Variants in DPF3 observed in about 807,000 individuals in gnomAD.
DPF3 encodes the protein zinc finger protein DPF3.
A neutral mutation model predicts 56.8 loss-of-function variants in DPF3; 18 were observed. The observed-to-expected ratio is 0.32, with a 90% CI of 0.22 to 0.47. DPF3 has a LOEUF of 0.47. Ranked by LOEUF, DPF3 falls within the 20% of genes least tolerant of loss-of-function variation. DPF3 has a pLI of 1.00. For synonymous variants in DPF3, 188 were observed against 180.2 expected (o/e 1.04, Z -0.35); for missense variants, 403 against 488.8 (o/e 0.82, Z 1.65).
chr14:72,805,389 G>A (rs1011931353), intron 1 of DPF3, among the ~76,000 whole-genome samples: 29 of 151,846 alleles, frequency 1.9e-4, no homozygotes, highest in African/African-American at 7.0e-4. Context: ...AGAATCACTT[G>A]AACCCAGGAA....
chr14:72,745,776 G>A (rs58217597), intron 3 of DPF3, among the ~76,000 whole-genome samples: 1 of 152,128 alleles, frequency 6.6e-6, no homozygotes, highest in Non-Finnish European at 1.5e-5. Flanking sequence ...TCTATCCTGA[G>A]TCACGCGCGA....
intron 1 of DPF3, among the ~76,000 whole-genome samples, chr14:72,890,613 T>C (rs924058612): frequency 2.0e-5 from 3 of 152,184 alleles, no homozygotes; most frequent in African/African-American, 7.2e-5. Flanking sequence ...GTTACCTGCA[T>C]GTGTTTACTT....
chr14:72,890,440 A>G (rs1029791048), intron 1 of DPF3, among the ~76,000 whole-genome samples: 1 of 151,868 alleles, frequency 6.6e-6, no homozygotes, highest in Non-Finnish European at 1.5e-5. Flanking sequence ...GCAGTGAGCC[A>G]AGATCCTGCT....
rs59321921 is a variant in DPF3, at chr14:72,612,993, CGTGT to C, written c.*6300_*6303del. ...TTTCCCTTTGGTTCATTAAGTAGGG[CGTGT>C]GTGTGTGTGTGTGTGTGTGTGTGTG... On this transcript the variant is annotated 3_prime_UTR_variant, in exon 11 of 11. Coordinates refer to ENST00000556509, the MANE Select transcript of DPF3 (RefSeq NM_001280542.3). 0.16 allele frequency among the ~76,000 whole-genome samples: 23,269 copies of C among 148,914 alleles called. 2,606 individuals carry two copies. Among genetic ancestry groups the C allele is most frequent in the African/African-American group, 0.32 (13,082 of 40,470 alleles).
At chr14:72,835,473 A>G (rs1441794837) in intron 1 of DPF3, among the ~76,000 whole-genome samples, 2 of 152,190 alleles carry the variant, frequency 1.3e-5, no homozygotes, top group Non-Finnish European at 2.9e-5. Context: ...AGAATGGTGA[A>G]TTTTATGTTG....
intron 8 of DPF3, among the ~76,000 whole-genome samples, chr14:72,643,699 C>T (rs1156667290): frequency 2.6e-5 from 4 of 152,248 alleles, no homozygotes; most frequent in Non-Finnish European, 4.4e-5. Flanking sequence ...CCCCAAGTGA[C>T]CGCCCATCAC....
intron 8 of DPF3, among the ~76,000 whole-genome samples, chr14:72,641,819 C>T (rs1885573064): frequency 6.6e-6 from 1 of 152,184 alleles, no homozygotes; most frequent in Non-Finnish European, 1.5e-5. Context: ...TTTTAACAAA[C>T]ACAGTAAAGA....
At chr14:72,708,605 T>C (rs1046609230) in intron 6 of DPF3, among the ~76,000 whole-genome samples, 1 of 152,210 alleles carries the variant, frequency 6.6e-6, no homozygotes, top group African/African-American at 2.4e-5. Flanking sequence ...ATTTTTTTCT[T>C]AGCAAAACTG....
chr14:72,767,919 A>G (rs1381096300), intron 2 of DPF3, among the ~76,000 whole-genome samples: 2 of 152,076 alleles, frequency 1.3e-5, no homozygotes, highest in Non-Finnish European at 2.9e-5. Flanking sequence ...GAGAAATGAC[A>G]CCTTACTTAT....
intron 7 of DPF3, among the ~76,000 whole-genome samples, chr14:72,675,952 A>AT (rs369021311): frequency 6.6e-6 from 1 of 152,298 alleles, no homozygotes; most frequent in African/African-American, 2.4e-5. Context: ...ATCTGCAAAT[A>AT]TTTTACTCTG....
intron 3 of DPF3, among the ~76,000 whole-genome samples, chr14:72,733,930 A>G (rs145824839): frequency 3.2e-4 from 48 of 152,378 alleles, no homozygotes; most frequent in African/African-American, 1.0e-3. Context: ...GAGAAACAGC[A>G]TCTAAAATCT....
chr14:72,890,719 T>C (rs369947932), intron 1 of DPF3, among the ~76,000 whole-genome samples: 2 of 152,146 alleles, frequency 1.3e-5, no homozygotes, highest in African/African-American at 4.8e-5. Flanking sequence ...TTAAATAATA[T>C]GTAATACACA....
chr14:72,798,219 A>G (rs1046161636), intron 1 of DPF3, among the ~76,000 whole-genome samples: 17 of 127,920 alleles, frequency 1.3e-4, no homozygotes, highest in African/African-American at 4.9e-4. Context: ...GCACCACGGC[A>G]CTCTAGCCAG....
intron 8 of DPF3, among the ~76,000 whole-genome samples, chr14:72,669,786 G>A (rs952460004): frequency 6.6e-6 from 1 of 152,160 alleles, no homozygotes; most frequent in Non-Finnish European, 1.5e-5. Context: ...ACAGGCCACA[G>A]AGGGCCAGGG....
At chr14:72,668,474 A>C (rs1310216675) in intron 8 of DPF3, among the ~76,000 whole-genome samples, 2 of 152,240 alleles carry the variant, frequency 1.3e-5, no homozygotes, top group African/African-American at 4.8e-5. Context: ...AAAAGTGAGG[A>C]TATCAACTAC....
At chr14:72,635,130 C>A (rs926162357) in intron 8 of DPF3, among the ~76,000 whole-genome samples, 8 of 152,172 alleles carry the variant, frequency 5.3e-5, no homozygotes, top group African/African-American at 1.9e-4. Flanking sequence ...GTATGTCACC[C>A]ATGGCCACTA....
intron 1 of DPF3, among the ~76,000 whole-genome samples, chr14:72,874,644 T>G (rs1009329697): frequency 1.3e-5 from 2 of 152,228 alleles, no homozygotes; most frequent in Admixed American, 1.3e-4. Flanking sequence ...GCTCCAGTTC[T>G]CTACAAGTTC....
intron 1 of DPF3, among the ~76,000 whole-genome samples, chr14:72,811,752 TA>T (rs1883054473): frequency 6.6e-6 from 1 of 152,334 alleles, no homozygotes; most frequent in South Asian, 2.1e-4. Flanking sequence ...TTAGTCACTT[TA>T]CACTTTGCAA....
chr14:72,843,571 TCA>T lies in DPF3; in HGVS notation c.32+50484_32+50485del, dbSNP rs370690513. Reference sequence around the variant, plus strand: ...TTTTTCTCTTTTTTGAGATGGAGTTTCACTCTGGTTGCCCAGGCTGGAGTGCA... The same window carrying T: ...TTTTTCTCTTTTTTGAGATGGAGTTTCTCTGGTTGCCCAGGCTGGAGTGCA... On this transcript the variant is annotated intron_variant, in intron 1 of 10. Transcript: ENST00000556509. Among the ~76,000 whole-genome samples the T allele has an allele frequency of 3.5e-3, 535 of 152,334 alleles. 5 individuals are homozygous for T. Among genetic ancestry groups the T allele is most frequent in the African/African-American group, 0.012 (503 of 41,582 alleles).
Sources: allele counts gnomAD v4.1 joint callset (sites outside exome capture counted in the v4.1 genomes callset), GRCh38; gene constraint gnomAD v4.1.1; transcripts MANE v1.5; gene names NCBI Gene and HGNC (gene_info 2026-07-23, HGNC 2026-07-21).